CACNG7: variants seen among roughly 807,000 people sequenced by gnomAD.
The protein encoded by CACNG7 is calcium voltage-gated channel auxiliary subunit gamma 7, also known as voltage-dependent calcium channel gamma-7 subunit.
In CACNG7, 9 loss-of-function variants were observed where a neutral mutation model predicts 26.3. The observed-to-expected ratio is 0.34, with a 90% CI of 0.21 to 0.60. The LOEUF is 0.60. Among genes scored for constraint, CACNG7 ranks in the 20% least tolerant of loss-of-function variants. The pLI, the probability that CACNG7 is intolerant of heterozygous loss-of-function variation, is 0.81. For missense variants in CACNG7, 297 were observed against 380.4 expected, an observed-to-expected ratio of 0.78 and a Z score of 1.82; for synonymous variants, 170 against 157.0, an observed-to-expected ratio of 1.08 and a Z score of -0.62.
intron 4 of CACNG7, among the ~76,000 whole-genome samples, chr19:53,917,380 G>A (rs190125085): frequency 6.6e-6 from 1 of 152,246 alleles, no homozygotes; most frequent in African/African-American, 2.4e-5. Flanking sequence ...CCCTGGGGCC[G>A]GCACTCAGCT....
rs903282059 is a variant in CACNG7 at position 53,939,845 on chromosome 19, G to A, written c.425-1625G>A. On this transcript the variant is annotated intron_variant, in intron 4 of 5. Transcript: ENST00000391767. This position sits in a 1 kb window ranked among gnomAD's most constrained non-coding sequence, Gnocchi z 4.2. ...AATTCTATCTTTAACTTTTTGAGGC[G>A]CTGCCAAATGAAATTCATATACTTT... 2.0e-5 allele frequency among the ~76,000 whole-genome samples: 3 copies of A among 152,042 alleles called. No homozygotes were observed. The highest frequency in any genetic ancestry group is 4.4e-5 in the Non-Finnish European group (3 of 68,020).
At chr19:53,910,272 G>A (rs1322243517) in intron 1 of CACNG7, among the ~76,000 whole-genome samples, 1 of 151,710 alleles carries the variant, frequency 6.6e-6, no homozygotes, top group Non-Finnish European at 1.5e-5. Context: ...GGCAGCTCGC[G>A]GTCAAACCCC....
At chr19:53,914,273 C>CAAAAAAAAAAAAAAAAAAAA (rs376053657) in intron 2 of CACNG7, among the ~76,000 whole-genome samples, 1 of 107,282 alleles carries the variant, frequency 9.3e-6, no homozygotes, top group African/African-American at 4.5e-5. Context: ...GACTCCATCT[C>CAAAAAAAAAAAAAAAAAAAA]AAAAAAAAAA....
At chr19:53,941,913 TG>T in intron 5 of CACNG7, 122 bp from the exon 6 acceptor site, 1 of 1,295,716 alleles carries the variant, frequency 7.7e-7, no homozygotes, top group Non-Finnish European at 1.0e-6. Context: ...GCCCTGATCC[TG>T]GGTCCTGGGA....
At chr19:53,920,173 C>G (rs1297668590) in intron 4 of CACNG7, among the ~76,000 whole-genome samples, 1 of 63,436 alleles carries the variant, frequency 1.6e-5, no homozygotes, top group Non-Finnish European at 2.8e-5. Flanking sequence ...GTCCCCAGGC[C>G]TGGTATTGGT....
intron 4 of CACNG7, among the ~76,000 whole-genome samples, chr19:53,917,815 CAG>C (rs60833931): frequency 0.026 from 3,957 of 152,224 alleles, 153 homozygotes; most frequent in African/African-American, 0.089. Context: ...GGAATGGAAA[CAG>C]AGGCTCGAAG....
chr19:53,933,731 C>T (rs961427424), intron 4 of CACNG7, among the ~76,000 whole-genome samples: 3 of 148,356 alleles, frequency 2.0e-5, no homozygotes, highest in African/African-American at 7.5e-5. Context: ...GTGTCTATTA[C>T]ATCAAGAGAC....
chr19:53,930,723 G>A (rs1220285451), intron 4 of CACNG7, among the ~76,000 whole-genome samples: 1 of 151,142 alleles, frequency 6.6e-6, no homozygotes, highest in Non-Finnish European at 1.5e-5. Context: ...GGCCAGGCTG[G>A]TCTTGAACTC....
At chr19:53,937,876 C>T (rs896501984) in intron 4 of CACNG7, among the ~76,000 whole-genome samples, 1 of 151,956 alleles carries the variant, frequency 6.6e-6, no homozygotes, top group Non-Finnish European at 1.5e-5. Context: ...CAGGCTTAAG[C>T]CACTGCGCCT....
Position 53,913,006 on chromosome 19 carries a change from T to C in CACNG7, c.175T>C (p.Trp59Arg). 2 of 1,612,058 alleles carry C rather than the reference T, an allele frequency of 1.2e-6. No individual in the cohort carries two copies. Among genetic ancestry groups the C allele is most frequent in the Non-Finnish European group, 1.7e-6 (2 of 1,178,428 alleles). The stretch of plus-strand genomic sequence containing the variant: ...CAAGATGGCCCTGCACGCCGGCCTC[T>C]GGCGAGTCTGCTTCTTTGCAGGTAC... ...EVKMALHAGL[W>R]RVCFFAGREK... Residue 59 changes from tryptophan (W) to arginine (R), a missense_variant, in exon 2 of 6, where the codon TGG becomes CGG. Trp to Arg is a moderately radical substitution (Grantham distance 101). Coordinates refer to ENST00000391767, the MANE Select transcript of CACNG7 (RefSeq NM_031896.5).
chr19:53,918,786 G>C (rs919390177), intron 4 of CACNG7, among the ~76,000 whole-genome samples: 4 of 151,858 alleles, frequency 2.6e-5, no homozygotes, highest in Non-Finnish European at 4.4e-5. Flanking sequence ...TTATTTTTTT[G>C]AGATGGAGTT....
At position 53,924,961 on chromosome 19, in the gene CACNG7, T is replaced by C. The variant is rs542638738; in HGVS notation, c.424+9456T>C. 2.8e-5 allele frequency among the ~76,000 whole-genome samples: 4 copies of C among 141,038 alleles called. No individual in the cohort carries two copies. The East Asian group carries it at 6.7e-4, about 24-fold the overall frequency. The allele number at this position is 141,038 out of a possible 152,430, so 92.5% of individuals were successfully genotyped here. A position where few individuals can be genotyped will look rare whatever the true frequency, so the allele number is the denominator to read the frequency against. On this transcript the variant is annotated intron_variant, in intron 4 of 5. Transcript: ENST00000391767. ...TGGTGGAGTTGTCCCAGGCTGGTGA[T>C]TGGTGGTGTTGTCCGAGGTCTGGTA...
rs774720326 is a variant in CACNG7, at chr19:53,942,053, C to T, written c.588C>T (p.Ser196=). 1.9e-6 allele frequency: 3 copies of T among 1,610,278 alleles called. No individual in the cohort carries two copies. The highest frequency in any genetic ancestry group is 2.5e-6 in the Non-Finnish European group (3 of 1,177,876). The part of the protein sequence containing the change: ...FLLKEGAGVM[S]VYLFTKRYAE... ...TGCCGCAGGGGGCCGGCGTGATGTC[C>T]GTGTACCTGTTCACCAAGCGCTACG... The change falls in exon 6 of 6, where the codon TCC becomes TCT. Residue 196 remains serine, a synonymous_variant. Transcript: ENST00000391767. The surrounding 1 kb of genome is among the most constrained non-coding windows in gnomAD (Gnocchi z 5.9).
intron 4 of CACNG7, among the ~76,000 whole-genome samples, chr19:53,923,778 A>C (rs1355930533): frequency 8.2e-6 from 1 of 121,354 alleles, no homozygotes; most frequent in African/African-American, 3.7e-5. Context: ...AGGTCTGGTC[A>C]TTGGTGCAGT....
rs1600005989 is a variant in CACNG7 at position 53,942,140 on chromosome 19, C to T, written c.675C>T (p.Ser225=). 1.2e-6 allele frequency: 2 copies of T among 1,614,022 alleles called. No individual in the cohort carries two copies. The highest frequency in any genetic ancestry group is 1.3e-5 in the African/African-American group (1 of 75,032). The change falls in exon 6 of 6, where the codon TCC becomes TCT. Residue 225 remains serine (S), a synonymous_variant. Transcript: ENST00000391767. The surrounding 1 kb of genome is among the most constrained non-coding windows in gnomAD (Gnocchi z 5.9). ...AFYRPRLSDC[S]DYSGQFLQPE... ...ACCGCCCGCGTCTCAGCGACTGCTCCGACTACTCGGGCCAGTTCCTGCAGC... is the reference window on the plus strand; with the variant it reads ...ACCGCCCGCGTCTCAGCGACTGCTCTGACTACTCGGGCCAGTTCCTGCAGC...
At chr19:53,923,359 G>GCCTCAGGTCTGGTCATTGGTGGAGTTGT (rs2068982491) in intron 4 of CACNG7, among the ~76,000 whole-genome samples, 3 of 86,654 alleles carry the variant, frequency 3.5e-5, no homozygotes, top group African/African-American at 1.9e-4. Flanking sequence ...TGGTGGAGTT[G>GCCTCAGGTCTGGTCATTGGTGGAGTTGT]CCCCAGGTCT....
chr19:53,924,195 G>T (rs34868663), intron 4 of CACNG7, among the ~76,000 whole-genome samples: 49,285 of 132,726 alleles, frequency 0.37, 10,538 homozygotes, highest in African/African-American at 0.48. Context: ...GTCATTGGTG[G>T]AGTTGTCCCA....
At chr19:53,929,970 G>T (rs2069060073) in intron 4 of CACNG7, among the ~76,000 whole-genome samples, 1 of 149,800 alleles carries the variant, frequency 6.7e-6, no homozygotes, top group Non-Finnish European at 1.5e-5. Context: ...AGGTGGACTT[G>T]TTTCTAGCAT....
rs76260253 is a variant in CACNG7 at position 53,922,047 on chromosome 19, C to T, written c.424+6542C>T. Among the ~76,000 whole-genome samples, 45 of 69,596 alleles carry T rather than the reference C, an allele frequency of 6.5e-4. 2 individuals carry two copies. The highest frequency in any genetic ancestry group is 9.7e-4 in the Non-Finnish European group (36 of 37,162). The allele number at this position is 69,596 out of a possible 152,430, so 45.7% of individuals were successfully genotyped here. On this transcript the variant is annotated intron_variant, in intron 4 of 5. Coordinates refer to ENST00000391767, the MANE Select transcript of CACNG7 (RefSeq NM_031896.5). ...GGTCATTGGTGGAGTTGTCCCCAGG[C>T]CTGGTATTGGTGGAGTTGCCCCAGG... is the stretch of plus-strand genomic sequence containing the variant.
Sources: gnomAD v4.1 joint callset for allele counts (sites outside exome capture counted in the v4.1 genomes callset) on GRCh38, gnomAD v4.1.1 for gene constraint, Gnocchi (gnomAD v3.1) non-coding constraint, MANE v1.5 for transcripts, NCBI Gene and HGNC (gene_info 2026-07-23, HGNC 2026-07-21) for gene names.